Variants in CEP112 observed in about 807,000 individuals in gnomAD.
CEP112 encodes centrosomal protein of 112 kDa.
A neutral mutation model predicts 153.0 loss-of-function variants in CEP112; 127 were observed. That is an observed-to-expected ratio of 0.83 (90% CI 0.72 to 0.96). The LOEUF (loss-of-function observed/expected upper bound fraction) is 0.96, where lower values mean the gene tolerates loss of function less well. Ranked by LOEUF, CEP112 falls within the 40% of genes least tolerant of loss-of-function variation. CEP112 has a pLI of 0.00. For missense variants in CEP112, 1,089 were observed against 1,101.2 expected (o/e 0.99, Z 0.16); for synonymous variants, 358 against 374.4 (o/e 0.96, Z 0.51).
chr17:66,169,527 G>A (rs9914720), intron 4 of CEP112, among the ~76,000 whole-genome samples: 37,028 of 151,630 alleles, frequency 0.24, 4,701 homozygotes, highest in Middle Eastern at 0.36. Context: ...CTTGTGATCC[G>A]CCCGCCCTGG....
At chr17:65,687,768 AAAG>A in intron 24 of CEP112, among the ~76,000 whole-genome samples, 1 of 152,324 alleles carries the variant, frequency 6.6e-6, no homozygotes, top group East Asian at 1.9e-4. Flanking sequence ...TCCAGAGATT[AAAG>A]AAGAAAAGAA....
intron 17 of CEP112, among the ~76,000 whole-genome samples, chr17:66,001,844 C>T (rs987888244): frequency 6.6e-6 from 1 of 151,972 alleles, no homozygotes; most frequent in Non-Finnish European, 1.5e-5. Context: ...TATTTAGTTC[C>T]CCATATGCTT....
At chr17:65,895,497 C>T (rs545926016) in intron 20 of CEP112, among the ~76,000 whole-genome samples, 5 of 152,158 alleles carry the variant, frequency 3.3e-5, no homozygotes, top group African/African-American at 7.2e-5. Context: ...TATGGCAAAT[C>T]GCTGAAAGAA....
intron 17 of CEP112, among the ~76,000 whole-genome samples, chr17:65,997,045 C>T (rs1013462743): frequency 2.6e-5 from 4 of 152,010 alleles, no homozygotes; most frequent in Admixed American, 6.6e-5. Flanking sequence ...CTCGTCTCTA[C>T]TAAAATACAA....
At chr17:65,663,070 C>T (rs1380850041) in intron 24 of CEP112, among the ~76,000 whole-genome samples, 6 of 152,138 alleles carry the variant, frequency 3.9e-5, no homozygotes, top group Admixed American at 2.0e-4. Context: ...GATAAGGGTA[C>T]TATTTTATCT....
intron 20 of CEP112, among the ~76,000 whole-genome samples, chr17:65,871,381 C>T (rs952055675): frequency 2.6e-5 from 4 of 152,196 alleles, no homozygotes; most frequent in East Asian, 1.9e-4. Flanking sequence ...CTGTGGCTCA[C>T]GCCCAGCACT....
intron 21 of CEP112, among the ~76,000 whole-genome samples, chr17:65,769,744 C>A (rs987930): frequency 6.6e-6 from 1 of 151,308 alleles, no homozygotes; most frequent in Non-Finnish European, 1.5e-5. Flanking sequence ...CCTTATCTTA[C>A]GCCATACATA....
At chr17:65,915,425 T>A (rs1592612) in intron 19 of CEP112, among the ~76,000 whole-genome samples, 2,387 of 151,894 alleles carry the variant, frequency 0.016, 66 homozygotes, top group South Asian at 0.054. Flanking sequence ...CCTAACTAGG[T>A]CCCCTGCATC....
chr17:65,690,417 C>A (rs1280369433), intron 23 of CEP112, among the ~76,000 whole-genome samples: 12 of 103,596 alleles, frequency 1.2e-4, no homozygotes, highest in African/African-American at 4.9e-4. Flanking sequence ...CAGAATGAGA[C>A]CCTGTCTCAA....
intron 8 of CEP112, among the ~76,000 whole-genome samples, chr17:66,075,552 G>A (rs9911923): frequency 0.16 from 24,614 of 152,082 alleles, 2,754 homozygotes; most frequent in African/African-American, 0.31. Context: ...GGTACCAGTG[G>A]AAACGAACAC....
intron 18 of CEP112, among the ~76,000 whole-genome samples, chr17:65,941,020 T>A (rs2061490209): frequency 1.3e-5 from 2 of 152,114 alleles, no homozygotes; most frequent in Admixed American, 1.3e-4. Flanking sequence ...TATACAATTA[T>A]GATTTGTCAA....
At chr17:66,029,375 T>C (rs2065364567) in intron 13 of CEP112, 123 bp from the exon 14 acceptor site, 8 of 841,542 alleles carry the variant, frequency 9.5e-6, no homozygotes, top group Non-Finnish European at 1.5e-5. Flanking sequence ...ATCCACAATT[T>C]TGTCAACTGC....
chr17:65,806,332 A>G (rs999438518), intron 21 of CEP112, among the ~76,000 whole-genome samples: 1 of 152,262 alleles, frequency 6.6e-6, no homozygotes, highest in Non-Finnish European at 1.5e-5. Flanking sequence ...ATATTCTAAC[A>G]TTTGGGTGGA....
chr17:66,103,743 T>C (rs931609577), intron 6 of CEP112, among the ~76,000 whole-genome samples: 1 of 152,156 alleles, frequency 6.6e-6, no homozygotes, highest in African/African-American at 2.4e-5. Context: ...GGAAAGACAG[T>C]CTTAAATCAC....
At chr17:65,997,834 C>T (rs958063050) in intron 17 of CEP112, among the ~76,000 whole-genome samples, 1 of 151,430 alleles carries the variant, frequency 6.6e-6, no homozygotes, top group South Asian at 2.1e-4. Context: ...TAAATTCACT[C>T]TTGTATCAAA....
intron 21 of CEP112, among the ~76,000 whole-genome samples, chr17:65,833,335 T>C (rs1053272206): frequency 6.6e-6 from 1 of 152,028 alleles, no homozygotes; most frequent in African/African-American, 2.4e-5. Flanking sequence ...TATTCACCAC[T>C]GTATTGGAAG....
intron 21 of CEP112, among the ~76,000 whole-genome samples, chr17:65,759,915 A>G (rs1203601331): frequency 6.6e-6 from 1 of 152,200 alleles, no homozygotes; most frequent in Non-Finnish European, 1.5e-5. Context: ...GATGCATTTA[A>G]TACCTCGATA....
chr17:65,970,261 CAT>C (rs1286339085), intron 17 of CEP112, among the ~76,000 whole-genome samples: 2 of 151,938 alleles, frequency 1.3e-5, no homozygotes, highest in African/African-American at 4.8e-5. Context: ...ATGTTGCACA[CAT>C]ATTACATGCA....
intron 23 of CEP112, among the ~76,000 whole-genome samples, chr17:65,696,594 G>GA (rs758558274): frequency 6.6e-6 from 1 of 152,168 alleles, no homozygotes; most frequent in Non-Finnish European, 1.5e-5. Flanking sequence ...GTGAAACGCA[G>GA]AAAGGGGACT....
Sources: gnomAD v4.1 joint callset for allele counts (sites outside exome capture counted in the v4.1 genomes callset) on GRCh38, gnomAD v4.1.1 for gene constraint, MANE v1.5 for transcripts, NCBI Gene and HGNC (gene_info 2026-07-23, HGNC 2026-07-21) for gene names.